The following SPIDR variants were observed in gnomAD, a reference collection of about 807,000 sequenced individuals.
SPIDR encodes the protein scaffold protein involved in DNA repair.
A neutral mutation model predicts 104.6 loss-of-function variants in SPIDR; 93 were observed. The ratio of observed to expected loss-of-function variants is 0.89; its 90% CI spans 0.75 to 1.06. The LOEUF is 1.06. SPIDR is among the 50% of genes least tolerant of loss of function. The pLI is 0.00. For synonymous variants in SPIDR, 431 were observed against 416.9 expected, an observed-to-expected ratio of 1.03 and a Z score of -0.41; for missense variants, 1,154 against 1,111.2, an observed-to-expected ratio of 1.04 and a Z score of -0.55.
chr8:47,685,517 A>ATTTTTTTTTTTTTTTTT (rs370526185), intron 11 of SPIDR, among the ~76,000 whole-genome samples: 5 of 130,094 alleles, frequency 3.8e-5, no homozygotes, highest in Non-Finnish European at 6.8e-5. Flanking sequence ...TTATTTATTT[A>ATTTTTTTTTTTTTTTTT]TTTTTTTGAG....
At chr8:47,649,263 G>C (rs1191560454) in intron 10 of SPIDR, among the ~76,000 whole-genome samples, 1 of 149,700 alleles carries the variant, frequency 6.7e-6, no homozygotes, top group African/African-American at 2.4e-5. Context: ...AGAAAAAGTG[G>C]GAAGAATGCA....
chr8:47,511,050 G>T, intron 8 of SPIDR: 2 of 902,720 alleles, frequency 2.2e-6, no homozygotes, highest in South Asian at 1.3e-5. Flanking sequence ...ACCACTGCAT[G>T]ATGGCAGCAT....
intron 8 of SPIDR, among the ~76,000 whole-genome samples, chr8:47,555,404 C>A (rs1456406231): frequency 6.6e-6 from 1 of 152,100 alleles, no homozygotes; most frequent in African/African-American, 2.4e-5. Context: ...CAACTCCAGT[C>A]CCTTGCATCA....
chr8:47,481,365 G>A (rs1158856477), intron 8 of SPIDR, among the ~76,000 whole-genome samples: 1 of 152,218 alleles, frequency 6.6e-6, no homozygotes, highest in African/African-American at 2.4e-5. Context: ...GGCCAGATGC[G>A]TTGGCTCATG....
chr8:47,487,817 G>T (rs1554732981), intron 8 of SPIDR, among the ~76,000 whole-genome samples: 1 of 152,110 alleles, frequency 6.6e-6, no homozygotes, highest in Non-Finnish European at 1.5e-5. Flanking sequence ...CGAGAACAAA[G>T]ACACAACATG....
chr8:47,467,498 A>G (rs1175045586), intron 8 of SPIDR, among the ~76,000 whole-genome samples: 1 of 152,218 alleles, frequency 6.6e-6, no homozygotes, highest in Non-Finnish European at 1.5e-5. Flanking sequence ...CAACACATCA[A>G]AAAGCTTATC....
intron 11 of SPIDR, among the ~76,000 whole-genome samples, chr8:47,699,160 T>C (rs1011697947): frequency 1.3e-5 from 2 of 152,228 alleles, no homozygotes; most frequent in African/African-American, 2.4e-5. Flanking sequence ...TAAAAGTTTA[T>C]GGCTTTAGCA....
intron 5 of SPIDR, among the ~76,000 whole-genome samples, chr8:47,350,505 G>A (rs1301801157): frequency 1.3e-5 from 2 of 151,676 alleles, no homozygotes; most frequent in African/African-American, 4.8e-5. Flanking sequence ...GTAGAGATGG[G>A]GTTTCACCAT....
intron 8 of SPIDR, among the ~76,000 whole-genome samples, chr8:47,554,820 T>C (rs1345495957): frequency 6.6e-6 from 1 of 152,240 alleles, no homozygotes; most frequent in Non-Finnish European, 1.5e-5. Flanking sequence ...ACCTGTCTTC[T>C]GCGTCATTCA....
intron 10 of SPIDR, among the ~76,000 whole-genome samples, chr8:47,655,840 C>T (rs996424579): frequency 2.0e-5 from 3 of 152,174 alleles, no homozygotes; most frequent in African/African-American, 7.2e-5. Context: ...GTTTTCTTCT[C>T]GGGTTTTTAT....
At chr8:47,659,930 C>T (rs2154462379) in intron 10 of SPIDR, among the ~76,000 whole-genome samples, 1 of 152,322 alleles carries the variant, frequency 6.6e-6, no homozygotes, top group Admixed American at 6.5e-5. Flanking sequence ...GCTCCCATAA[C>T]TCACGTAAAC....
chr8:47,510,455 T>A (rs761330655), intron 8 of SPIDR, among the ~76,000 whole-genome samples: 34 of 152,230 alleles, frequency 2.2e-4, no homozygotes, highest in Non-Finnish European at 4.0e-4. Flanking sequence ...ATAAAAAAAT[T>A]ATGTGCATAA....
At chr8:47,499,348 C>T (rs757175654) in intron 8 of SPIDR, among the ~76,000 whole-genome samples, 2 of 152,138 alleles carry the variant, frequency 1.3e-5, no homozygotes, top group Non-Finnish European at 2.9e-5. Context: ...CCAGTGTTGG[C>T]TCAGACAGTT....
intron 6 of SPIDR, among the ~76,000 whole-genome samples, chr8:47,405,777 G>A (rs1240242511): frequency 2.6e-5 from 4 of 152,146 alleles, no homozygotes; most frequent in Non-Finnish European, 5.9e-5. Context: ...TGAACTTTTG[G>A]TATGACTTAA....
intron 8 of SPIDR, among the ~76,000 whole-genome samples, chr8:47,558,948 G>A (rs938064537): frequency 1.3e-5 from 2 of 152,116 alleles, no homozygotes; most frequent in Non-Finnish European, 2.9e-5. Context: ...CAGCTTCACC[G>A]TTTTTTAAAT....
intron 5 of SPIDR, among the ~76,000 whole-genome samples, chr8:47,389,628 G>T (rs998087502): frequency 2.1e-5 from 3 of 145,056 alleles, no homozygotes; most frequent in African/African-American, 8.0e-5. Context: ...GGCAGAGCTT[G>T]CAGTGAGCTG....
At chr8:47,395,085 A>G (rs552233220) in intron 5 of SPIDR, among the ~76,000 whole-genome samples, 1 of 152,120 alleles carries the variant, frequency 6.6e-6, no homozygotes, top group Non-Finnish European at 1.5e-5. Context: ...TTGGTGGTTC[A>G]TGCCTGTTAT....
intron 10 of SPIDR, among the ~76,000 whole-genome samples, chr8:47,651,067 A>G (rs1305929775): frequency 6.6e-6 from 1 of 152,182 alleles, no homozygotes; most frequent in East Asian, 1.9e-4. Context: ...TAAGAACCCA[A>G]AAGCAATTAC....
At chr8:47,271,057 G>T (rs2035215703) in intron 1 of SPIDR, among the ~76,000 whole-genome samples, 1 of 152,044 alleles carries the variant, frequency 6.6e-6, no homozygotes, top group Non-Finnish European at 1.5e-5. Context: ...TGTCTTCATG[G>T]TTTCTGTCAA....
Sources: allele counts gnomAD v4.1 joint callset (sites outside exome capture counted in the v4.1 genomes callset), GRCh38; gene constraint gnomAD v4.1.1; transcripts MANE v1.5; gene names NCBI Gene and HGNC (gene_info 2026-07-23, HGNC 2026-07-21).